Variants in MAPKAP1 observed in about 807,000 individuals in gnomAD.
MAPKAP1 encodes the protein target of rapamycin complex 2 subunit MAPKAP1.
MAPKAP1 carries 20 observed loss-of-function variants against 65.7 expected under a neutral mutation model. The ratio of observed to expected loss-of-function variants is 0.30; its 90% CI spans 0.21 to 0.44. The LOEUF (loss-of-function observed/expected upper bound fraction) is 0.44, where lower values mean the gene tolerates loss of function less well. MAPKAP1 is among the 20% of genes least tolerant of loss of function. MAPKAP1 has a pLI of 1.00. For synonymous variants in MAPKAP1, 222 were observed against 244.3 expected (o/e 0.91, Z 0.85); for missense variants, 423 against 648.0 (o/e 0.65, Z 3.77).
In MAPKAP1 at chr9:125,693,682, T is replaced by TAC. The variant is rs1194863390; in HGVS notation, c.-70+13287_-70+13288dup. Among the ~76,000 whole-genome samples the TAC allele has an allele frequency of 3.6e-3, 428 of 119,804 alleles. 19 individuals carry two copies. The highest frequency in any genetic ancestry group is 0.019 in the African/African-American group (391 of 20,178). 78.6% of individuals were successfully genotyped at this position (119,804 alleles called of 152,430 possible). A position where few individuals can be genotyped will look rare whatever the true frequency, so the allele number is the denominator to read the frequency against. ...ATACACACACATATACACGTATATATACACGTATATATACACGTATATATA... is the reference window on the plus strand; with the variant it reads ...ATACACACACATATACACGTATATATACACACGTATATATACACGTATATATA... On this transcript the variant is annotated intron_variant, in intron 1 of 11. Coordinates refer to ENST00000265960, the MANE Select transcript of MAPKAP1 (RefSeq NM_001006617.3).
At chr9:125,582,764 G>C (rs116255461) in intron 5 of MAPKAP1, among the ~76,000 whole-genome samples, 1 of 152,146 alleles carries the variant, frequency 6.6e-6, no homozygotes, top group Non-Finnish European at 1.5e-5. Flanking sequence ...TCTGGTCCCC[G>C]TCCAGGGATG....
At chr9:125,499,497 C>T (rs1455866770) in intron 8 of MAPKAP1, among the ~76,000 whole-genome samples, 1 of 152,110 alleles carries the variant, frequency 6.6e-6, no homozygotes, top group African/African-American at 2.4e-5. Flanking sequence ...TTTATTAACA[C>T]AGTGATTTTG....
intron 1 of MAPKAP1, among the ~76,000 whole-genome samples, chr9:125,689,731 T>G (rs1302359446): frequency 2.6e-5 from 3 of 117,502 alleles, no homozygotes; most frequent in South Asian, 2.7e-4. Context: ...AGAGTGAGAC[T>G]CCATCTCAAA....
Position 125,595,908 on chromosome 9 carries a change from G to C in MAPKAP1, c.499-10181C>G. 8.0e-7 allele frequency: 1 copy of C among 1,255,560 alleles called. No individual in the cohort carries two copies. The highest frequency in any genetic ancestry group is 1.7e-5 in the Admixed American group (1 of 59,600). The allele number at this position is 1,255,560 out of a possible 1,614,324, so 77.8% of individuals were successfully genotyped here. A position where few individuals can be genotyped will look rare whatever the true frequency, so the allele number is the denominator to read the frequency against. On this transcript the variant is annotated intron_variant, in intron 4 of 11. Transcript: ENST00000265960. This position sits in a 1 kb window ranked among gnomAD's most constrained non-coding sequence, Gnocchi z 4.0. ...AATGCAAGGCCACACAAGGTGGATCGGAGTTGTGGAACCAAAGAGAGCTGT... is the reference window on the plus strand; with the variant it reads ...AATGCAAGGCCACACAAGGTGGATCCGAGTTGTGGAACCAAAGAGAGCTGT...
chr9:125,535,403 C>T (rs1427133491), intron 7 of MAPKAP1, among the ~76,000 whole-genome samples: 1 of 152,106 alleles, frequency 6.6e-6, no homozygotes, highest in African/African-American at 2.4e-5. Flanking sequence ...CATTTTAATC[C>T]CTCTTTTTAC....
chr9:125,561,561 G>A (rs1830893751), intron 5 of MAPKAP1, among the ~76,000 whole-genome samples: 1 of 152,140 alleles, frequency 6.6e-6, no homozygotes, highest in Non-Finnish European at 1.5e-5. Context: ...CTTAAAAACA[G>A]AACAATTAGA....
intron 7 of MAPKAP1, chr9:125,521,654 G>A (rs1829620685): frequency 1.3e-6 from 2 of 1,544,846 alleles, no homozygotes; most frequent in South Asian, 1.3e-5. Flanking sequence ...TTCCCGTGAT[G>A]GCAAAGGTTT....
chr9:125,492,983 G>C (rs1386811234), intron 8 of MAPKAP1, among the ~76,000 whole-genome samples: 9 of 151,842 alleles, frequency 5.9e-5, no homozygotes, highest in African/African-American at 1.5e-4. Flanking sequence ...ATCCATGGAG[G>C]AATATAGGAA....
chr9:125,483,074 C>T (rs1354128563), intron 9 of MAPKAP1, among the ~76,000 whole-genome samples: 2 of 152,176 alleles, frequency 1.3e-5, no homozygotes, highest in African/African-American at 4.8e-5. Flanking sequence ...CCTCTGAGCA[C>T]CACACTCTAC....
At chr9:125,666,278 G>A (rs950338551) in intron 3 of MAPKAP1, among the ~76,000 whole-genome samples, 2 of 152,080 alleles carry the variant, frequency 1.3e-5, no homozygotes, top group Non-Finnish European at 2.9e-5. Flanking sequence ...AAAGAACTGA[G>A]GTATGGACTA....
chr9:125,446,051 T>C (rs529061771), intron 10 of MAPKAP1, among the ~76,000 whole-genome samples: 3 of 152,332 alleles, frequency 2.0e-5, no homozygotes, highest in Non-Finnish European at 2.9e-5. Flanking sequence ...TCATCCGTTG[T>C]CCTTTTAATT....
At chr9:125,598,758 G>A (rs908695284) in intron 4 of MAPKAP1, among the ~76,000 whole-genome samples, 3 of 152,004 alleles carry the variant, frequency 2.0e-5, no homozygotes, top group East Asian at 1.9e-4. Context: ...AAGACTGTAC[G>A]GGCCGGCGCA....
chr9:125,457,241 G>A (rs1281141734), intron 10 of MAPKAP1, among the ~76,000 whole-genome samples: 4 of 152,146 alleles, frequency 2.6e-5, no homozygotes, highest in Admixed American at 6.5e-5. Context: ...TACCCACCTC[G>A]GCCTCCCAAA....
chr9:125,468,382 C>T (rs944010658), intron 9 of MAPKAP1, among the ~76,000 whole-genome samples: 1 of 152,186 alleles, frequency 6.6e-6, no homozygotes, highest in African/African-American at 2.4e-5. Flanking sequence ...AACAAGCCTT[C>T]TTAGATATAA....
intron 10 of MAPKAP1, among the ~76,000 whole-genome samples, chr9:125,458,816 C>T (rs915541943): frequency 7.3e-6 from 1 of 137,282 alleles, no homozygotes; most frequent in Non-Finnish European, 1.6e-5. Flanking sequence ...CCCCTCACCT[C>T]CCGGACGGGG....
intron 6 of MAPKAP1, among the ~76,000 whole-genome samples, chr9:125,554,786 A>G (rs1830687263): frequency 7.6e-6 from 1 of 131,128 alleles, no homozygotes; most frequent in Non-Finnish European, 1.6e-5. Context: ...ACACAGCAAG[A>G]CACTTATCAA....
At chr9:125,454,496 A>G (rs1853088820) in intron 10 of MAPKAP1, among the ~76,000 whole-genome samples, 1 of 152,202 alleles carries the variant, frequency 6.6e-6, no homozygotes, top group African/African-American at 2.4e-5. Context: ...TTAAAATTCT[A>G]TATTATAGAC....
chr9:125,534,395 A>T (rs1455176796), intron 7 of MAPKAP1, among the ~76,000 whole-genome samples: 1 of 152,218 alleles, frequency 6.6e-6, no homozygotes, highest in Non-Finnish European at 1.5e-5. Flanking sequence ...TTTTGATATT[A>T]ACTCCAGGAG....
rs552344211 is a variant in MAPKAP1, at chr9:125,652,128, T to C, written c.498+5523A>G. 2.3e-6 allele frequency: 3 copies of C among 1,305,826 alleles called. No homozygotes were observed. The South Asian group carries it at 3.6e-5, about 16-fold the overall frequency. 80.9% of individuals were successfully genotyped at this position (1,305,826 alleles called of 1,614,324 possible). ...TTCAATTCGCTGACCTTTTCTGAGT[T>C]TGCAACATTTCTCGGTGGCTTCATG... is the stretch of plus-strand genomic sequence containing the variant. On this transcript the variant is annotated intron_variant, in intron 4 of 11. Coordinates refer to ENST00000265960, the MANE Select transcript of MAPKAP1 (RefSeq NM_001006617.3).
Sources: gnomAD v4.1 joint callset for allele counts (sites outside exome capture counted in the v4.1 genomes callset) on GRCh38, gnomAD v4.1.1 for gene constraint, Gnocchi (gnomAD v3.1) non-coding constraint, MANE v1.5 for transcripts, NCBI Gene and HGNC (gene_info 2026-07-23, HGNC 2026-07-21) for gene names.